IGSF11: variants seen among roughly 807,000 people sequenced by gnomAD.
IGSF11 encodes the protein CXADR like 1.
IGSF11 carries 22 observed loss-of-function variants against 41.0 expected under a neutral mutation model. The observed-to-expected ratio is 0.54, with a 90% CI of 0.38 to 0.77. The LOEUF is 0.77. IGSF11 is among the 30% of genes least tolerant of loss of function. The probability of loss-of-function intolerance (pLI) is 0.00; values close to 1 mark genes in which losing one functional copy is unlikely to be tolerated. For synonymous variants in IGSF11, 219 were observed against 201.3 expected (o/e 1.09, Z -0.74); for missense variants, 444 against 530.8 (o/e 0.84, Z 1.61).
intron 1 of IGSF11, among the ~76,000 whole-genome samples, chr3:119,137,329 T>A (rs1306289233): frequency 6.6e-6 from 1 of 151,886 alleles, no homozygotes; most frequent in Non-Finnish European, 1.5e-5. Context: ...ATACTAAAGA[T>A]CTATAATAAT....
intron 1 of IGSF11, among the ~76,000 whole-genome samples, chr3:119,079,592 A>C (rs1200454802): frequency 2.0e-5 from 3 of 152,200 alleles, no homozygotes; most frequent in Admixed American, 6.5e-5. Flanking sequence ...ATGTGTGTTC[A>C]TTGCAGCACT....
intron 1 of IGSF11, among the ~76,000 whole-genome samples, chr3:118,930,649 T>C (rs1055891393): frequency 3.3e-5 from 5 of 152,206 alleles, no homozygotes; most frequent in African/African-American, 1.2e-4. Flanking sequence ...AATGCTTACA[T>C]ATAAATCTAA....
At chr3:119,019,721 A>G (rs1939103485) in intron 1 of IGSF11, among the ~76,000 whole-genome samples, 3 of 152,038 alleles carry the variant, frequency 2.0e-5, no homozygotes, top group Admixed American at 1.3e-4. Context: ...GTAAAATATA[A>G]ATGCTCCTCC....
intron 1 of IGSF11, among the ~76,000 whole-genome samples, chr3:119,087,762 A>G (rs1244680843): frequency 6.6e-6 from 1 of 152,182 alleles, no homozygotes; most frequent in Non-Finnish European, 1.5e-5. Context: ...GTTCCCCAAA[A>G]ACCTATTGAA....
chr3:119,092,043 AC>A (rs747692824), intron 1 of IGSF11, among the ~76,000 whole-genome samples: 44 of 147,222 alleles, frequency 3.0e-4, no homozygotes, highest in Non-Finnish European at 4.6e-4. Context: ...GCACAGTCTC[AC>A]CCTGTCACTC....
At chr3:118,940,070 A>G (rs1326670467) in intron 1 of IGSF11, among the ~76,000 whole-genome samples, 1 of 152,194 alleles carries the variant, frequency 6.6e-6, no homozygotes, top group African/African-American at 2.4e-5. Context: ...TATTATCAGT[A>G]CCAATAATTC....
chr3:118,942,622 A>G (rs192448546), intron 1 of IGSF11, among the ~76,000 whole-genome samples: 114 of 152,372 alleles, frequency 7.5e-4, no homozygotes, highest in Non-Finnish European at 1.4e-3. Context: ...TAGAAATACT[A>G]TTCAAAATAT....
chr3:118,927,626 A>G (rs918138140), intron 3 of IGSF11, among the ~76,000 whole-genome samples: 3 of 152,162 alleles, frequency 2.0e-5, no homozygotes, highest in African/African-American at 7.2e-5. Flanking sequence ...ACAACGAAGG[A>G]AAAAGAAAGC....
intron 1 of IGSF11, among the ~76,000 whole-genome samples, chr3:119,143,437 C>A (rs951602347): frequency 2.6e-5 from 4 of 152,004 alleles, no homozygotes; most frequent in African/African-American, 9.7e-5. Context: ...CAATTGTAAT[C>A]TCTAAGTAAC....
chr3:119,029,276 CCGAGA>C (rs1940162340), intron 1 of IGSF11, among the ~76,000 whole-genome samples: 1 of 96,746 alleles, frequency 1.0e-5, no homozygotes. Context: ...ACACACACAC[CCGAGA>C]GAGAGAGAGA....
intron 1 of IGSF11, among the ~76,000 whole-genome samples, chr3:118,997,077 A>C (rs1431587640): frequency 6.6e-6 from 1 of 152,216 alleles, no homozygotes; most frequent in African/African-American, 2.4e-5. Context: ...ACCCTATGGC[A>C]ACTGGTAGTA....
intron 1 of IGSF11, among the ~76,000 whole-genome samples, chr3:118,960,742 T>C (rs564382721): frequency 1.3e-5 from 2 of 152,236 alleles, no homozygotes; most frequent in East Asian, 1.9e-4. Flanking sequence ...TATAATCACA[T>C]AGTAAGGCTA....
intron 1 of IGSF11, among the ~76,000 whole-genome samples, chr3:119,119,718 CG>C (rs1351088661): frequency 7.2e-5 from 11 of 152,020 alleles, no homozygotes; most frequent in African/African-American, 2.7e-4. Flanking sequence ...TCTCAGAGTA[CG>C]GTGACTACCT....
Position 118,932,867 on chromosome 3 carries a change from C to T in IGSF11, c.53-2592G>A, listed in dbSNP as rs1942967403. On this transcript the variant is annotated intron_variant, in intron 1 of 6. Transcript: ENST00000393775. ...TTAAACTACACGGGATTGTAAGTACCCTCCACCAGCAATTCACTAATTTCA... is the reference window on the plus strand; with the variant it reads ...TTAAACTACACGGGATTGTAAGTACTCTCCACCAGCAATTCACTAATTTCA... Among the ~76,000 whole-genome samples, 3 of 152,148 alleles carry T rather than the reference C, an allele frequency of 2.0e-5. No homozygotes were observed. In the South Asian group the frequency reaches 6.2e-4, roughly 32 times the overall value.
chr3:119,007,800 G>T (rs1559783328), intron 1 of IGSF11, among the ~76,000 whole-genome samples: 1 of 152,098 alleles, frequency 6.6e-6, no homozygotes, highest in East Asian at 1.9e-4. Flanking sequence ...AAGATCTTCT[G>T]ATATTTTGAA....
chr3:119,144,213 C>G (rs912704336), intron 1 of IGSF11, among the ~76,000 whole-genome samples: 1 of 152,134 alleles, frequency 6.6e-6, no homozygotes, highest in Admixed American at 6.5e-5. Flanking sequence ...CCACACCCGG[C>G]TGATTTTTTG....
chr3:119,023,522 C>T (rs1292701599), intron 1 of IGSF11, among the ~76,000 whole-genome samples: 2 of 152,086 alleles, frequency 1.3e-5, no homozygotes, highest in African/African-American at 4.8e-5. Context: ...GATTTAAAAA[C>T]ACATATGCAC....
intron 1 of IGSF11, among the ~76,000 whole-genome samples, chr3:119,066,034 A>T (rs543047225): frequency 6.6e-5 from 10 of 152,216 alleles, no homozygotes; most frequent in East Asian, 1.9e-4. Flanking sequence ...GTATTTTTTT[A>T]AAATGCATCC....
intron 2 of IGSF11, among the ~76,000 whole-genome samples, chr3:118,929,845 G>A (rs752381423): frequency 1.3e-5 from 2 of 152,084 alleles, no homozygotes; most frequent in Non-Finnish European, 2.9e-5. Flanking sequence ...GGTCAAAATT[G>A]CCTATTAGCA....
Sources: allele counts gnomAD v4.1 joint callset (sites outside exome capture counted in the v4.1 genomes callset), GRCh38; gene constraint gnomAD v4.1.1; transcripts MANE v1.5; gene names NCBI Gene and HGNC (gene_info 2026-07-23, HGNC 2026-07-21).